BCAS3: variants seen among roughly 807,000 people sequenced by gnomAD.
BCAS3 encodes the protein BCAS4/BCAS3 fusion.
BCAS3 carries 53 observed loss-of-function variants against 116.1 expected under a neutral mutation model. That is an observed-to-expected ratio of 0.46 (90% CI 0.37 to 0.57). BCAS3 has a LOEUF of 0.57. Among genes scored for constraint, BCAS3 ranks in the 20% least tolerant of loss-of-function variants. The pLI is 0.00. For missense variants in BCAS3, 917 were observed against 1,165.4 expected, an observed-to-expected ratio of 0.79 and a Z score of 3.10; for synonymous variants, 391 against 408.2, an observed-to-expected ratio of 0.96 and a Z score of 0.51.
In BCAS3 at chr17:61,091,104, A is replaced by G. The variant is rs538048741; in HGVS notation, c.2425+6540A>G. ...CAAAAGTAGAAGAAGCTATTGGGAAAGTGTCTTCTGATGACACATTGCTTC... is the reference window on the plus strand; with the variant it reads ...CAAAAGTAGAAGAAGCTATTGGGAAGGTGTCTTCTGATGACACATTGCTTC... On this transcript the variant is annotated intron_variant, in intron 22 of 23. Transcript: ENST00000407086. 2.0e-4 allele frequency among the ~76,000 whole-genome samples: 30 copies of G among 152,252 alleles called. 1 individual carries two copies. The highest frequency in any genetic ancestry group is 2.4e-4 in the Non-Finnish European group (16 of 68,044).
intron 22 of BCAS3, among the ~76,000 whole-genome samples, chr17:61,108,472 T>G (rs1173941767): frequency 6.6e-6 from 1 of 152,136 alleles, no homozygotes; most frequent in East Asian, 1.9e-4. Flanking sequence ...ATTTTTTATT[T>G]TCTATTTGAT....
intron 7 of BCAS3, among the ~76,000 whole-genome samples, chr17:60,848,054 C>T (rs1444297868): frequency 6.6e-6 from 1 of 152,166 alleles, no homozygotes; most frequent in Non-Finnish European, 1.5e-5. Flanking sequence ...ACATAATTTA[C>T]TGAAGAGACT....
In BCAS3 at chr17:60,969,032, A is replaced by G. The variant is rs531892460; in HGVS notation, c.1222-20939A>G. Among the ~76,000 whole-genome samples the G allele has an allele frequency of 8.3e-5, 12 of 145,136 alleles. No homozygotes were observed. In the East Asian group the frequency reaches 2.7e-3, roughly 33 times the overall value. ...ATTTTCTGTGCTCTTGATGCCAGGC[A>G]GAATCGGGGGAGGGGCATTACAGAT... On this transcript the variant is annotated intron_variant, in intron 14 of 23. Coordinates refer to ENST00000407086, the MANE Select transcript of BCAS3 (RefSeq NM_017679.5).
In BCAS3 at chr17:61,041,182, C is replaced by T. The variant is rs1335410497; in HGVS notation, c.2029+290C>T. Among the ~76,000 whole-genome samples, 1 of 151,814 alleles carries T rather than the reference C, an allele frequency of 6.6e-6. No individual in the cohort carries two copies. Among genetic ancestry groups the T allele is most frequent in the East Asian group, 1.9e-4 (1 of 5,186 alleles). On this transcript the variant is annotated intron_variant, in intron 19 of 23. Transcript: ENST00000407086. The surrounding 1 kb of genome is among the most constrained non-coding windows in gnomAD (Gnocchi z 4.7). ...TTCAAACAAACATAAAAACCACCACCTGAAAATGCTAGGATATAATAAAAA... is the reference window on the plus strand; with the variant it reads ...TTCAAACAAACATAAAAACCACCACTTGAAAATGCTAGGATATAATAAAAA...
At position 61,017,495 on chromosome 17, in the gene BCAS3, G is replaced by C. The variant is rs2065540448; in HGVS notation, c.1637+1594G>C. On this transcript the variant is annotated intron_variant, in intron 16 of 23. Coordinates refer to ENST00000407086, the MANE Select transcript of BCAS3 (RefSeq NM_017679.5). This position sits in a 1 kb window ranked among gnomAD's most constrained non-coding sequence, Gnocchi z 4.7. ...TAATTTAATTTTATATTCAGAGTGA[G>C]GGAAATTTAAGAAGGTTCAAAAGGC... Among the ~76,000 whole-genome samples, 1 of 152,112 alleles carries C rather than the reference G, an allele frequency of 6.6e-6. No homozygotes were observed.
rs2050953905 is a variant in BCAS3 at position 61,278,365 on chromosome 17, A to G, written c.2426-89962A>G. ...TAATTTTTGTGTTTTTTGTAGAGAC[A>G]GGGTTTCGCCATGTTCCCAGGCTTA... On this transcript the variant is annotated intron_variant, in intron 22 of 23. Transcript: ENST00000407086. The surrounding 1 kb of genome is among the most constrained non-coding windows in gnomAD (Gnocchi z 5.8). Among the ~76,000 whole-genome samples the G allele has an allele frequency of 6.6e-6, 1 of 152,122 alleles. No homozygotes were observed. Among genetic ancestry groups the G allele is most frequent in the Non-Finnish European group, 1.5e-5 (1 of 68,012 alleles).
intron 18 of BCAS3, among the ~76,000 whole-genome samples, chr17:61,040,120 G>T (rs978935430): frequency 6.6e-6 from 1 of 152,160 alleles, no homozygotes; most frequent in African/African-American, 2.4e-5. Flanking sequence ...ATGTATGGAA[G>T]GAAACAGACA....
intron 12 of BCAS3, among the ~76,000 whole-genome samples, chr17:60,919,987 G>A (rs73320672): frequency 0.047 from 7,114 of 152,028 alleles, 532 homozygotes; most frequent in African/African-American, 0.16. Context: ...ATAGTAAAAT[G>A]GCAAACTTAA....
intron 22 of BCAS3, among the ~76,000 whole-genome samples, chr17:61,314,524 A>G (rs543946253): frequency 6.6e-6 from 1 of 152,324 alleles, no homozygotes; most frequent in South Asian, 2.1e-4. Flanking sequence ...ATGACTCTAC[A>G]GTTCCTGGCT....
chr17:60,945,698 G>A (rs2060451464), intron 13 of BCAS3, among the ~76,000 whole-genome samples: 1 of 152,000 alleles, frequency 6.6e-6, no homozygotes, highest in East Asian at 1.9e-4. Flanking sequence ...CTACTTGGGA[G>A]ATTGAGGCAT....
chr17:61,035,685 C>T (rs898549553), intron 17 of BCAS3, among the ~76,000 whole-genome samples: 1 of 151,998 alleles, frequency 6.6e-6, no homozygotes, highest in Non-Finnish European at 1.5e-5. Flanking sequence ...AGTAGTCTCT[C>T]CTTATCTGTG....
Position 61,325,328 on chromosome 17 carries a change from A to T in BCAS3, c.2426-42999A>T, listed in dbSNP as rs2055641321. 6.6e-6 allele frequency among the ~76,000 whole-genome samples: 1 copy of T among 152,082 alleles called. No homozygotes were observed. Among genetic ancestry groups the T allele is most frequent in the African/African-American group, 2.4e-5 (1 of 41,408 alleles). On this transcript the variant is annotated intron_variant, in intron 22 of 23. Coordinates refer to ENST00000407086, the MANE Select transcript of BCAS3 (RefSeq NM_017679.5). This position sits in a 1 kb window ranked among gnomAD's most constrained non-coding sequence, Gnocchi z 6.4. The stretch of plus-strand genomic sequence containing the variant: ...CTGTGGGGCCTGATTCTCAACCTCC[A>T]TCCTGTCCTGCACATACTCGGCGTG...
At chr17:60,795,795 T>C (rs935355997) in intron 6 of BCAS3, among the ~76,000 whole-genome samples, 2 of 152,130 alleles carry the variant, frequency 1.3e-5, no homozygotes, top group Non-Finnish European at 2.9e-5. Flanking sequence ...GTTCAAGAGA[T>C]TCTTGTGCCT....
Position 61,347,150 on chromosome 17 carries a change from C to A in BCAS3, c.2426-21177C>A, listed in dbSNP as rs747900610. On this transcript the variant is annotated intron_variant, in intron 22 of 23. Coordinates refer to ENST00000407086, the MANE Select transcript of BCAS3 (RefSeq NM_017679.5). This position sits in a 1 kb window ranked among gnomAD's most constrained non-coding sequence, Gnocchi z 4.3. ...AGTGCAGTGGTGCAATCTCAGCTCA[C>A]CGCAACCTCCACCTCCAGGGTTCAA... is the stretch of plus-strand genomic sequence containing the variant. Among the ~76,000 whole-genome samples the A allele has an allele frequency of 3.9e-5, 6 of 152,204 alleles. No homozygotes were observed. The highest frequency in any genetic ancestry group is 7.3e-5 in the Non-Finnish European group (5 of 68,032).
chr17:60,853,934 G>A (rs529073507), intron 7 of BCAS3, among the ~76,000 whole-genome samples: 120 of 151,758 alleles, frequency 7.9e-4, no homozygotes, highest in Non-Finnish European at 1.4e-3. Context: ...AAGTTCTAGG[G>A]TACATGTGCA....
chr17:60,839,489 G>A (rs1361692545), intron 7 of BCAS3, among the ~76,000 whole-genome samples: 3 of 151,950 alleles, frequency 2.0e-5, no homozygotes, highest in Non-Finnish European at 2.9e-5. Flanking sequence ...TGCGAGTGTC[G>A]GAAGGTTTCA....
intron 22 of BCAS3, among the ~76,000 whole-genome samples, chr17:61,330,427 AGTT>A (rs1389901124): frequency 6.6e-6 from 1 of 152,158 alleles, no homozygotes; most frequent in Non-Finnish European, 1.5e-5. Context: ...CCCAGCCAGT[AGTT>A]TCTCACTTTC....
chr17:60,799,714 T>C (rs1358806214), intron 6 of BCAS3, among the ~76,000 whole-genome samples: 127 of 126,758 alleles, frequency 1.0e-3, no homozygotes, highest in Non-Finnish European at 1.7e-3. Flanking sequence ...TTTTCTTTTT[T>C]TTTTTTTTTT....
intron 5 of BCAS3, among the ~76,000 whole-genome samples, chr17:60,720,660 A>G (rs1027646761): frequency 2.6e-5 from 4 of 152,264 alleles, no homozygotes; most frequent in African/African-American, 9.6e-5. Flanking sequence ...AAATGACAGT[A>G]TAGCTATTTA....
Sources: allele counts gnomAD v4.1 joint callset (sites outside exome capture counted in the v4.1 genomes callset), GRCh38; gene constraint gnomAD v4.1.1; non-coding constraint Gnocchi (gnomAD v3.1); transcripts MANE v1.5; gene names NCBI Gene and HGNC (gene_info 2026-07-23, HGNC 2026-07-21).